ME3: variants seen among roughly 807,000 people sequenced by gnomAD.
ME3 encodes malic enzyme 3.
ME3 carries 48 observed loss-of-function variants against 68.9 expected under a neutral mutation model. The observed-to-expected ratio is 0.70, with a 90% CI of 0.55 to 0.89. The LOEUF (loss-of-function observed/expected upper bound fraction) is 0.89, where lower values mean the gene tolerates loss of function less well. Among genes scored for constraint, ME3 ranks in the 40% least tolerant of loss-of-function variants. The pLI is 0.00. For synonymous variants in ME3, 320 were observed against 318.8 expected (o/e 1.00, Z -0.04); for missense variants, 675 against 797.4 (o/e 0.85, Z 1.85).
chr11:86,537,434 T>C (rs531409506), intron 4 of ME3, among the ~76,000 whole-genome samples: 2 of 152,246 alleles, frequency 1.3e-5, no homozygotes, highest in African/African-American at 4.8e-5. Flanking sequence ...TAAAGACTTT[T>C]GAAATAAGAG....
At chr11:86,654,419 C>A (rs1174471518) in intron 2 of ME3, among the ~76,000 whole-genome samples, 1 of 152,206 alleles carries the variant, frequency 6.6e-6, no homozygotes, top group Non-Finnish European at 1.5e-5. Flanking sequence ...GGCTTCACCC[C>A]TGGGATGCAA....
At chr11:86,460,580 C>T (rs1170096573) in intron 8 of ME3, among the ~76,000 whole-genome samples, 1 of 152,160 alleles carries the variant, frequency 6.6e-6, no homozygotes, top group African/African-American at 2.4e-5. Context: ...GATTCCAGCC[C>T]CCTCCATGTG....
intron 2 of ME3, among the ~76,000 whole-genome samples, chr11:86,566,769 T>C (rs1957502007): frequency 6.6e-6 from 1 of 152,190 alleles, no homozygotes. Context: ...TTTGGTGTGA[T>C]AATTTTTTTC....
intron 5 of ME3, among the ~76,000 whole-genome samples, chr11:86,502,849 A>G (rs779175867): frequency 2.0e-5 from 3 of 151,946 alleles, no homozygotes; most frequent in Non-Finnish European, 1.5e-5. Context: ...TATTGCCCAC[A>G]CCCTTTAGTT....
intron 6 of ME3, among the ~76,000 whole-genome samples, chr11:86,494,859 T>C (rs1952218515): frequency 6.6e-6 from 1 of 152,148 alleles, no homozygotes; most frequent in African/African-American, 2.4e-5. Context: ...GGCAAAGTGT[T>C]CACAAAATAA....
chr11:86,531,194 GA>G (rs1200532013), intron 4 of ME3, among the ~76,000 whole-genome samples: 3 of 152,204 alleles, frequency 2.0e-5, no homozygotes, highest in African/African-American at 7.2e-5. Flanking sequence ...TGAAGGATAT[GA>G]ACAGACACTT....
intron 2 of ME3, among the ~76,000 whole-genome samples, chr11:86,567,243 A>AAAGAAAGGAAGG (rs869098620): frequency 2.5e-4 from 36 of 144,582 alleles, no homozygotes; most frequent in Middle Eastern, 6.9e-3. Flanking sequence ...GAAAAGAAAG[A>AAAGAAAGGAAGG]AAGGAAGGAA....
intron 2 of ME3, among the ~76,000 whole-genome samples, chr11:86,655,329 G>A (rs530333399): frequency 2.0e-4 from 31 of 152,138 alleles, no homozygotes; most frequent in South Asian, 8.3e-4. Flanking sequence ...GAGGCATCAC[G>A]CTACCTGACT....
At chr11:86,480,833 G>A (rs993677942) in intron 7 of ME3, among the ~76,000 whole-genome samples, 2 of 152,176 alleles carry the variant, frequency 1.3e-5, no homozygotes, top group Non-Finnish European at 2.9e-5. Context: ...AGAGCTGTAG[G>A]TGTATTGCAA....
intron 13 of ME3, among the ~76,000 whole-genome samples, chr11:86,445,076 C>T (rs1333060523): frequency 6.6e-6 from 1 of 152,174 alleles, no homozygotes; most frequent in Non-Finnish European, 1.5e-5. Flanking sequence ...TTTTACTCAA[C>T]AGAGGACTTT....
chr11:86,444,452 A>G (rs1458899946), intron 13 of ME3, among the ~76,000 whole-genome samples: 1 of 152,162 alleles, frequency 6.6e-6, no homozygotes, highest in African/African-American at 2.4e-5. Flanking sequence ...ACTTGACCTG[A>G]CCTATGTTTT....
intron 7 of ME3, among the ~76,000 whole-genome samples, chr11:86,475,874 T>TATATATATATATAGAGAGAGAGAGAG: frequency 1.7e-4 from 16 of 91,470 alleles, no homozygotes; most frequent in African/African-American, 7.5e-4. Flanking sequence ...TATATATATA[T>TATATATATATATAGAGAGAGAGAGAG]AGAGAGAGAG....
At position 86,498,030 on chromosome 11, in the gene ME3, G is replaced by A. The variant is rs751472823; in HGVS notation, c.638C>T (p.Thr213Met). ...CTGCGGGTTCACCCCTCCGCATGCC[G>A]TGTACAGGGCCAGCTTGCCCACAGG... The change falls in exon 6 of 15, where the codon ACG (threonine) becomes ATG (methionine). Residue 213 changes from threonine (T) to methionine (M), a missense_variant. Physicochemically the swap from Thr to Met is moderately conservative, Grantham distance 81. Coordinates refer to ENST00000543262, the Ensembl canonical transcript of ME3. The A allele has an allele frequency of 1.1e-5, 17 of 1,613,520 alleles. No individual in the cohort carries two copies. The highest frequency in any genetic ancestry group is 2.2e-5 in the East Asian group (1 of 44,816).
At chr11:86,550,915 G>T (rs1353184213) in intron 4 of ME3, among the ~76,000 whole-genome samples, 2 of 152,052 alleles carry the variant, frequency 1.3e-5, no homozygotes, top group Non-Finnish European at 2.9e-5. Flanking sequence ...GGGCTCCAGT[G>T]GGTATTTAGG....
intron 2 of ME3, among the ~76,000 whole-genome samples, chr11:86,604,831 T>C (rs562098215): frequency 5.3e-5 from 8 of 152,318 alleles, no homozygotes; most frequent in African/African-American, 1.9e-4. Flanking sequence ...GTAAGTTAAG[T>C]TGAATTAATC....
At chr11:86,457,311 A>G in intron 8 of ME3, 1 of 170,416 alleles carries the variant, frequency 5.9e-6, no homozygotes. Flanking sequence ...AACTGCATCT[A>G]GTTCCTTCCT....
intron 2 of ME3, among the ~76,000 whole-genome samples, chr11:86,560,232 C>T (rs1449212718): frequency 6.6e-6 from 1 of 152,112 alleles, no homozygotes. Context: ...CAGTTTTCCC[C>T]ATGCTATTCT....
chr11:86,568,068 T>C (rs1439791431), intron 2 of ME3, among the ~76,000 whole-genome samples: 1 of 152,158 alleles, frequency 6.6e-6, no homozygotes, highest in Non-Finnish European at 1.5e-5. Context: ...GTCTAGTAAA[T>C]AGAGTTACAG....
At chr11:86,504,777 G>A (rs1049952691) in intron 5 of ME3, among the ~76,000 whole-genome samples, 1 of 151,974 alleles carries the variant, frequency 6.6e-6, no homozygotes, top group Non-Finnish European at 1.5e-5. Context: ...TGCAACCTCC[G>A]CCTCCCGGGT....
Sources: gnomAD v4.1 joint callset for allele counts (sites outside exome capture counted in the v4.1 genomes callset) on GRCh38, gnomAD v4.1.1 for gene constraint, MANE v1.5 for transcripts, NCBI Gene and HGNC (gene_info 2026-07-23, HGNC 2026-07-21) for gene names.